Variants in PTPRM observed in about 807,000 individuals in gnomAD.
PTPRM encodes the protein receptor-type tyrosine-protein phosphatase mu.
Under a neutral mutation model 186.7 loss-of-function variants are expected in PTPRM, and 47 were observed. That is an observed-to-expected ratio of 0.25 (90% CI 0.20 to 0.32). The LOEUF is 0.32. Among genes scored for constraint, PTPRM ranks in the 10% least tolerant of loss-of-function variants. The pLI is 1.00. For synonymous variants in PTPRM, 668 were observed against 674.9 expected (o/e 0.99, Z 0.16); for missense variants, 1,494 against 1,865.0 (o/e 0.80, Z 3.66).
chr18:8,168,095 G>A (rs2093348981), intron 14 of PTPRM, among the ~76,000 whole-genome samples: 1 of 152,146 alleles, frequency 6.6e-6, no homozygotes, highest in African/African-American at 2.4e-5. Context: ...TATGTTTCTA[G>A]CGCTCAGTTA....
intron 2 of PTPRM, among the ~76,000 whole-genome samples, chr18:7,863,638 T>C (rs1019696063): frequency 2.0e-5 from 3 of 152,182 alleles, no homozygotes; most frequent in Non-Finnish European, 4.4e-5. Context: ...TTTGCTATTG[T>C]GAATAGTGCC....
chr18:7,900,645 C>A (rs931129743), intron 3 of PTPRM, among the ~76,000 whole-genome samples: 2 of 152,082 alleles, frequency 1.3e-5, no homozygotes, highest in African/African-American at 4.8e-5. Flanking sequence ...TGAAAAGAGT[C>A]CAGACTTGGA....
intron 1 of PTPRM, among the ~76,000 whole-genome samples, chr18:7,711,015 T>C (rs1360792380): frequency 6.6e-6 from 1 of 152,014 alleles, no homozygotes; most frequent in Non-Finnish European, 1.5e-5. Context: ...ATCAAAATAC[T>C]GATGTGGGTT....
At chr18:8,360,886 T>G (rs888584455) in intron 23 of PTPRM, 3 of 152,228 alleles carry the variant, frequency 2.0e-5, no homozygotes, top group African/African-American at 7.2e-5. Context: ...TCACCAAAAA[T>G]AGATTCTTTT....
At chr18:8,117,563 A>G (rs906257300) in intron 13 of PTPRM, among the ~76,000 whole-genome samples, 3 of 152,196 alleles carry the variant, frequency 2.0e-5, no homozygotes, top group Admixed American at 1.3e-4. Context: ...TTTGACACTC[A>G]TCATCTTAAA....
intron 14 of PTPRM, among the ~76,000 whole-genome samples, chr18:8,195,838 A>G (rs2093771098): frequency 6.6e-6 from 1 of 152,196 alleles, no homozygotes; most frequent in Admixed American, 6.5e-5. Flanking sequence ...CTCCACCGCT[A>G]TGCAGTATAC....
chr18:7,771,235 T>A (rs1162741832), intron 1 of PTPRM, among the ~76,000 whole-genome samples: 2 of 152,248 alleles, frequency 1.3e-5, no homozygotes, highest in Non-Finnish European at 2.9e-5. Flanking sequence ...GACTTTCATC[T>A]GAGTGCTATC....
chr18:7,771,588 G>T (rs73939367), intron 1 of PTPRM, among the ~76,000 whole-genome samples: 2,280 of 152,304 alleles, frequency 0.015, 57 homozygotes, highest in African/African-American at 0.052. Context: ...TCTCAATGGA[G>T]TGTTTAGTTG....
chr18:7,966,590 T>A (rs1233558234), intron 7 of PTPRM, among the ~76,000 whole-genome samples: 2 of 144,284 alleles, frequency 1.4e-5, no homozygotes, highest in African/African-American at 2.5e-5. Flanking sequence ...CTCAGGTCAG[T>A]GGGTGCGCGC....
intron 2 of PTPRM, among the ~76,000 whole-genome samples, chr18:7,855,376 A>T (rs1459981315): frequency 1.3e-5 from 2 of 152,100 alleles, no homozygotes; most frequent in Admixed American, 1.3e-4. Flanking sequence ...TCCCATCTCC[A>T]CTTAGCACTC....
At chr18:7,783,986 C>T (rs2042982268) in intron 2 of PTPRM, among the ~76,000 whole-genome samples, 1 of 151,942 alleles carries the variant, frequency 6.6e-6, no homozygotes, top group Admixed American at 6.6e-5. Context: ...ACCGGCACAG[C>T]CCACTGGCCA....
At chr18:7,989,098 G>A (rs1397877884) in intron 7 of PTPRM, among the ~76,000 whole-genome samples, 1 of 151,970 alleles carries the variant, frequency 6.6e-6, no homozygotes, top group African/African-American at 2.4e-5. Context: ...TAGGTAAGTT[G>A]TAAATTCACT....
intron 1 of PTPRM, among the ~76,000 whole-genome samples, chr18:7,594,895 TA>T: frequency 6.6e-6 from 1 of 152,122 alleles, no homozygotes; most frequent in East Asian, 1.9e-4. Context: ...CCTCACAAGG[TA>T]AAAAATAGCT....
chr18:8,151,586 G>T (rs1338899593), intron 14 of PTPRM, among the ~76,000 whole-genome samples: 1 of 150,902 alleles, frequency 6.6e-6, no homozygotes, highest in African/African-American at 2.4e-5. Flanking sequence ...GCTCCATGAG[G>T]GTGGGACCCA....
At chr18:7,622,834 A>G (rs1228432695) in intron 1 of PTPRM, among the ~76,000 whole-genome samples, 1 of 152,168 alleles carries the variant, frequency 6.6e-6, no homozygotes, top group Non-Finnish European at 1.5e-5. Flanking sequence ...ATACTTCACT[A>G]GGCCCAGCTT....
chr18:7,815,758 T>C (rs1252228131), intron 2 of PTPRM: 2 of 152,162 alleles, frequency 1.3e-5, no homozygotes, highest in Non-Finnish European at 1.5e-5. Flanking sequence ...AGGGAAAGGT[T>C]ATTGATAAAG....
intron 7 of PTPRM, chr18:8,049,482 A>G (rs2087308879): frequency 6.6e-6 from 1 of 152,142 alleles, no homozygotes. Flanking sequence ...TGAGACAAAG[A>G]GTTGATTTAT....
intron 22 of PTPRM, among the ~76,000 whole-genome samples, chr18:8,333,176 A>G (rs1450296209): frequency 6.6e-6 from 1 of 152,200 alleles, no homozygotes; most frequent in Non-Finnish European, 1.5e-5. Context: ...TGAGCAAATC[A>G]TGTCCCTTAT....
Position 8,382,773 on chromosome 18 carries a change from G to A in PTPRM, c.3919-1788G>A, listed in dbSNP as rs1338961708. Among the ~76,000 whole-genome samples, 3 of 151,964 alleles carry A rather than the reference G, an allele frequency of 2.0e-5. No individual in the cohort carries two copies. The South Asian group carries it at 6.2e-4, about 32-fold the overall frequency. ...AACTGAAAACTATCCTGCAATCTTG[G>A]GTATAAATCAACCTTAGCAACCTTT... On this transcript the variant is annotated intron_variant, in intron 29 of 32. Coordinates refer to ENST00000580170, the MANE Select transcript of PTPRM (RefSeq NM_001105244.2).
Sources: gnomAD v4.1 joint callset for allele counts (sites outside exome capture counted in the v4.1 genomes callset) on GRCh38, gnomAD v4.1.1 for gene constraint, MANE v1.5 for transcripts, NCBI Gene and HGNC (gene_info 2026-07-23, HGNC 2026-07-21) for gene names.